Variants in CAPNS1 observed in about 807,000 individuals in gnomAD.
CAPNS1 encodes calpain small subunit 1.
In CAPNS1, 32 loss-of-function variants were observed where a neutral mutation model predicts 39.2. The observed-to-expected ratio is 0.82, with a 90% CI of 0.62 to 1.10. The LOEUF (loss-of-function observed/expected upper bound fraction) is 1.10. Ranked by LOEUF, CAPNS1 falls within the 50% of genes least tolerant of loss-of-function variation. The pLI is 0.00. For synonymous variants in CAPNS1, 153 were observed against 136.2 expected (o/e 1.12, Z -0.86); for missense variants, 353 against 373.1 (o/e 0.95, Z 0.44).
At chr19:36,147,554 C>T (rs556143953) in intron 9 of CAPNS1, among the ~76,000 whole-genome samples, 27 of 152,028 alleles carry the variant, frequency 1.8e-4, no homozygotes, top group African/African-American at 5.1e-4. Flanking sequence ...ATCACGAGGT[C>T]AGGAGTTCGA....
Position 36,141,083 on chromosome 19 carries a change from C to A in CAPNS1, c.72C>A (p.Gly24=). The A allele has an allele frequency of 6.7e-7, 1 of 1,488,926 alleles. No homozygotes were observed. The highest frequency in any genetic ancestry group is 9.0e-7 in the Non-Finnish European group (1 of 1,114,140). 92.2% of individuals were successfully genotyped at this position (1,488,926 alleles called of 1,614,324 possible). ...GGGGAGGCGGGGGCCTGGGTGGGGGCCTGGGAAATGTGCTTGGAGGCCTGA... is the reference window on the plus strand; with the variant it reads ...GGGGAGGCGGGGGCCTGGGTGGGGGACTGGGAAATGTGCTTGGAGGCCTGA... ...GGGGGGGLGG[G]LGNVLGGLIS... is the part of the protein sequence containing the mutation. The change falls in exon 2 of 11, where the codon GGC becomes GGA. Residue 24 remains glycine (G), a synonymous_variant. Transcript: ENST00000246533.
At position 36,142,654 on chromosome 19, in the gene CAPNS1, C is replaced by A. The variant is rs1228369533; in HGVS notation, c.246C>A (p.Pro82=). The part of the protein sequence containing the change: ...AAAQYNPEPP[P]PRTHYSNIEA... ...TCTGAGCTCTCCTCCCTTTGCAGCC[C>A]CCACGCACACATTACTCCAACATTG... Residue 82 remains proline (P), a splice_region_variant and synonymous_variant, in exon 4 of 11, where the codon CCC becomes CCA. Transcript: ENST00000246533. The A allele has an allele frequency of 6.2e-7, 1 of 1,614,076 alleles. No individual in the cohort carries two copies. The highest frequency in any genetic ancestry group is 2.2e-5 in the East Asian group (1 of 44,878).
chr19:36,144,447 G>A lies in CAPNS1; in HGVS notation c.456+1319G>A, dbSNP rs952642534. On this transcript the variant is annotated intron_variant, in intron 6 of 10. Transcript: ENST00000246533. ...CACACCTAAGAGCACACCCACATAC[G>A]TGAAGGTGTATGAGGCAGTGTGCAC... Among the ~76,000 whole-genome samples the A allele has an allele frequency of 5.9e-5, 9 of 152,314 alleles. 2 individuals carry two copies. In the South Asian group the frequency reaches 1.2e-3, roughly 21 times the overall value.
intron 3 of CAPNS1, 93 bp from the exon 4 acceptor site, chr19:36,142,559 C>A (rs1478293432): frequency 8.3e-6 from 8 of 959,502 alleles, no homozygotes; most frequent in African/African-American, 1.6e-5. Flanking sequence ...GCTGCCCAGC[C>A]CACTCTGACT....
intron 6 of CAPNS1, 114 bp from the exon 7 acceptor site, chr19:36,145,692 G>A: frequency 1.3e-6 from 1 of 790,444 alleles, no homozygotes; most frequent in Non-Finnish European, 2.1e-6. Flanking sequence ...GACCAAGCGG[G>A]AGCTGGAGTT....
intron 9 of CAPNS1, 76 bp from the exon 10 acceptor site, chr19:36,149,502 A>C: frequency 7.5e-7 from 1 of 1,328,566 alleles, no homozygotes. Context: ...CATCCCATGT[A>C]TTTGTGTAAT....
intron 2 of CAPNS1, chr19:36,141,553 T>A: frequency 8.6e-7 from 1 of 1,165,774 alleles, no homozygotes; most frequent in Non-Finnish European, 1.1e-6. Context: ...AACCTGGAGA[T>A]GAACGTTAAA....
intron 2 of CAPNS1, chr19:36,141,650 G>A: frequency 1.0e-6 from 1 of 997,824 alleles, no homozygotes; most frequent in Non-Finnish European, 1.2e-6. Flanking sequence ...GGTTAATGAG[G>A]AGGTGAGCCC....
chr19:36,140,947 G>T, intron 1 of CAPNS1, 50 bp from the exon 2 acceptor site: 1 of 1,587,268 alleles, frequency 6.3e-7, no homozygotes, highest in Admixed American at 1.7e-5. Flanking sequence ...TTGAAGGGAG[G>T]GTGTGGGCTC....
At chr19:36,140,289 C>A (rs1974310954) in intron 1 of CAPNS1, 132 bp downstream of exon 1, 1 of 152,332 alleles carries the variant, frequency 6.6e-6, no homozygotes. Flanking sequence ...ACCCTCAGAC[C>A]TGTTCGATCT....
At chr19:36,142,584 AC>A in intron 3 of CAPNS1, 67 bp from the exon 4 acceptor site, 1 of 1,260,456 alleles carries the variant, frequency 7.9e-7, no homozygotes, top group Admixed American at 1.8e-5. Context: ...CACCCAGGGT[AC>A]CTGGGTTTGG....
chr19:36,145,675 TGACTAG>T lies in CAPNS1; in HGVS notation c.457-127_457-122del, dbSNP rs1974536825. On this transcript the variant is annotated intron_variant, in intron 6 of 10. Transcript: ENST00000246533. ...AAATAAAACCGCACACCAGGTGATATGACTAGGACCAAGCGGGAGCTGGAGTTTCAG... is the reference window on the plus strand; with the variant it reads ...AAATAAAACCGCACACCAGGTGATATGACCAAGCGGGAGCTGGAGTTTCAG... 6.1e-6 allele frequency: 4 copies of T among 660,694 alleles called. No homozygotes were observed. In the East Asian group the frequency reaches 1.1e-4, roughly 18 times the overall value. 40.9% of individuals were successfully genotyped at this position (660,694 alleles called of 1,614,324 possible).
rs772620435 is a variant in CAPNS1 at position 36,145,994 on chromosome 19, G to A, written c.544G>A (p.Asp182Asn). 13 of 1,614,056 alleles carry A rather than the reference G, an allele frequency of 8.1e-6. No homozygotes were observed. The highest frequency in any genetic ancestry group is 4.0e-5 in the African/African-American group (3 of 74,932). ...KRWQAIYKQF[D>N]TDRSGTICSS... ...CTCACAGGCCATATACAAACAGTTCGACACTGACCGATCAGGGACCATTTG... is the reference window on the plus strand; with the variant it reads ...CTCACAGGCCATATACAAACAGTTCAACACTGACCGATCAGGGACCATTTG... The change falls in exon 8 of 11, where the codon GAC (aspartate) becomes AAC (asparagine). Residue 182 changes from aspartate to asparagine, a missense_variant. By Grantham distance (23) the Asp-to-Asn change is conservative. Coordinates refer to ENST00000246533, the MANE Select transcript of CAPNS1 (RefSeq NM_001749.4).
chr19:36,146,763 T>C (rs1974582410), intron 9 of CAPNS1, among the ~76,000 whole-genome samples: 2 of 152,174 alleles, frequency 1.3e-5, no homozygotes, highest in African/African-American at 2.4e-5. Flanking sequence ...TAGGGAATAC[T>C]GTTGCAGGCT....
At chr19:36,147,278 G>A (rs538416538) in intron 9 of CAPNS1, among the ~76,000 whole-genome samples, 4 of 152,194 alleles carry the variant, frequency 2.6e-5, no homozygotes, top group Non-Finnish European at 5.9e-5. Context: ...CTAGGAAGTT[G>A]TAAAGCCAGA....
rs767610570 is a variant in CAPNS1 at position 36,142,682 on chromosome 19, G to A, written c.274G>A (p.Ala92Thr). Residue 92 changes from alanine (A) to threonine (T), a missense_variant, in exon 4 of 11, where the codon GCC (alanine) becomes ACC (threonine). Physicochemically the swap from Ala to Thr is moderately conservative, Grantham distance 58. Coordinates refer to ENST00000246533, the MANE Select transcript of CAPNS1 (RefSeq NM_001749.4). ...ACGCACACATTACTCCAACATTGAGGCCAACGAGAGTGAGGAGGTCCGGCA... is the reference window on the plus strand; with the variant it reads ...ACGCACACATTACTCCAACATTGAGACCAACGAGAGTGAGGAGGTCCGGCA... ...PPRTHYSNIE[A>T]NESEEVRQFR... The A allele has an allele frequency of 1.9e-6, 3 of 1,614,172 alleles. No homozygotes were observed. In the South Asian group the frequency reaches 3.3e-5, roughly 18 times the overall value.
intron 9 of CAPNS1, among the ~76,000 whole-genome samples, chr19:36,147,365 G>C (rs915105225): frequency 6.6e-6 from 1 of 152,198 alleles, no homozygotes; most frequent in Non-Finnish European, 1.5e-5. Flanking sequence ...GGTCATGCAG[G>C]ATTGTGGGTG....
At chr19:36,145,203 C>CT (rs5827950) in intron 6 of CAPNS1, among the ~76,000 whole-genome samples, 25,351 of 118,048 alleles carry the variant, frequency 0.21, 3,461 homozygotes, top group South Asian at 0.24. Context: ...TTTTCTTTCT[C>CT]TTTTTTTTTT....
At chr19:36,146,372 G>A in intron 9 of CAPNS1, 60 bp downstream of exon 9, 3 of 1,092,870 alleles carry the variant, frequency 2.7e-6, no homozygotes, top group South Asian at 1.2e-5. Flanking sequence ...ATGGACCAAG[G>A]TCTCCTCTAA....
Sources: gnomAD v4.1 joint callset for allele counts (sites outside exome capture counted in the v4.1 genomes callset) on GRCh38, gnomAD v4.1.1 for gene constraint, MANE v1.5 for transcripts, NCBI Gene and HGNC (gene_info 2026-07-23, HGNC 2026-07-21) for gene names.